Variants in TENM4 observed in about 807,000 individuals in gnomAD.
TENM4 encodes teneurin transmembrane protein 4.
A neutral mutation model predicts 243.3 loss-of-function variants in TENM4; 82 were observed. The observed-to-expected ratio is 0.34, with a 90% CI of 0.28 to 0.40. The LOEUF (loss-of-function observed/expected upper bound fraction) is 0.40. TENM4 is among the 10% of genes least tolerant of loss of function. The pLI is 1.00. For synonymous variants in TENM4, 1,412 were observed against 1,456.3 expected, an observed-to-expected ratio of 0.97 and a Z score of 0.69; for missense variants, 3,138 against 3,673.3, an observed-to-expected ratio of 0.85 and a Z score of 3.77.
intron 31 of TENM4, 38 bp downstream of exon 31, chr11:78,671,995 T>C (rs766543912): frequency 6.3e-7 from 1 of 1,582,508 alleles, no homozygotes; most frequent in Admixed American, 1.7e-5. Flanking sequence ...TGGCCTTCTG[T>C]ATGGCAAGGC....
At chr11:79,310,818 T>C (rs982665910) in intron 1 of TENM4, among the ~76,000 whole-genome samples, 1 of 152,184 alleles carries the variant, frequency 6.6e-6, no homozygotes, top group Admixed American at 6.5e-5. Context: ...TTATGGGGGA[T>C]GGCTGATGCT....
intron 3 of TENM4, among the ~76,000 whole-genome samples, chr11:79,153,922 A>G (rs951653576): frequency 2.0e-5 from 3 of 152,190 alleles, no homozygotes; most frequent in African/African-American, 7.2e-5. Flanking sequence ...GAAGGACTTC[A>G]GTTTTCTGAT....
chr11:78,702,407 A>T lies in TENM4; in HGVS notation c.4210-4T>A. 1.0e-5 allele frequency: 16 copies of T among 1,606,180 alleles called. No individual in the cohort carries two copies. The highest frequency in any genetic ancestry group is 1.4e-5 in the Non-Finnish European group (16 of 1,175,682). On this transcript the variant is annotated splice_polypyrimidine_tract_variant and splice_region_variant and intron_variant, in intron 27 of 33. Transcript: ENST00000278550. ...CTGTGGGCCACTCCAGGTGAACCTG[A>T]CAATGAAGACACCGATACTCAAATG...
chr11:79,021,050 C>T (rs1858914060), intron 6 of TENM4, among the ~76,000 whole-genome samples: 1 of 152,202 alleles, frequency 6.6e-6, no homozygotes, highest in Non-Finnish European at 1.5e-5. Flanking sequence ...GCTGGGCCAG[C>T]TCAGAGCCTA....
At chr11:78,943,805 C>T (rs1349495839) in intron 6 of TENM4, among the ~76,000 whole-genome samples, 1 of 152,134 alleles carries the variant, frequency 6.6e-6, no homozygotes, top group Non-Finnish European at 1.5e-5. Flanking sequence ...TAGTTTTCTC[C>T]ATCTCCTATT....
intron 9 of TENM4, among the ~76,000 whole-genome samples, chr11:78,871,948 G>A (rs1859141949): frequency 6.6e-6 from 1 of 152,148 alleles, no homozygotes; most frequent in South Asian, 2.1e-4. Context: ...ATATAATACT[G>A]GAGGATTCAC....
intron 1 of TENM4, among the ~76,000 whole-genome samples, chr11:79,437,969 G>A (rs7116789): frequency 0.33 from 50,730 of 152,022 alleles, 8,436 homozygotes; most frequent in South Asian, 0.4. Flanking sequence ...CATTGTTAAG[G>A]ATCATGGCAG....
chr11:78,936,574 A>G (rs1047952076), intron 6 of TENM4, among the ~76,000 whole-genome samples: 26 of 152,220 alleles, frequency 1.7e-4, no homozygotes, highest in Admixed American at 4.6e-4. Flanking sequence ...GTACCTAAAT[A>G]TACTATGTGC....
chr11:78,834,912 T>C (rs1858066551), intron 12 of TENM4, among the ~76,000 whole-genome samples: 1 of 152,140 alleles, frequency 6.6e-6, no homozygotes, highest in Non-Finnish European at 1.5e-5. Context: ...ACCTGGAGGT[T>C]TTCTGTGACT....
At position 78,980,793 on chromosome 11, in the gene TENM4, G is replaced by C. The variant is rs149110362; in HGVS notation, c.494-77270C>G. On this transcript the variant is annotated intron_variant, in intron 6 of 33. Coordinates refer to ENST00000278550, the MANE Select transcript of TENM4 (RefSeq NM_001098816.3). Reference sequence around the variant, plus strand: ...TACAGGGGCTTAAAGAGTTCTATGAGAGCTCTACTGAAGTGTTTGCTGTCA... The same window carrying C: ...TACAGGGGCTTAAAGAGTTCTATGACAGCTCTACTGAAGTGTTTGCTGTCA... Among the ~76,000 whole-genome samples the C allele has an allele frequency of 2.9e-3, 435 of 152,286 alleles. 4 individuals are homozygous for C. Among genetic ancestry groups the C allele is most frequent in the Non-Finnish European group, 5.1e-3 (348 of 68,024 alleles).
In TENM4 at chr11:78,770,992, C is replaced by A; in HGVS notation, c.2539G>T (p.Asp847Tyr). 1 of 1,581,874 alleles carries A rather than the reference C, an allele frequency of 6.3e-7. No homozygotes were observed. The highest frequency in any genetic ancestry group is 8.6e-7 in the Non-Finnish European group (1 of 1,163,806). The change falls in exon 18 of 34, where the codon GAT becomes TAT. Residue 847 changes from aspartate (D) to tyrosine (Y), a missense_variant and splice_region_variant. Asp to Tyr is a radical substitution (Grantham distance 160, BLOSUM62 -3). This residue lies in a region of TENM4 where 2,467 missense variants were observed against 3,059.1 expected (regional missense o/e 0.81). Transcript: ENST00000278550. ...GAGCCCATGGGTGCCAGAGCCCTAC[C>A]TCCATCATTGTCTTTGCTGTCACCG... ...ACGDSKDNDG[D>Y]GLVDCMDPDC... is the part of the protein sequence containing the mutation.
chr11:78,749,423 T>A (rs1856130602), intron 19 of TENM4: 1 of 150,324 alleles, frequency 6.7e-6, no homozygotes, highest in Non-Finnish European at 1.5e-5. Flanking sequence ...AATGCAGGAG[T>A]ATAATTCAAT....
intron 2 of TENM4, among the ~76,000 whole-genome samples, chr11:79,254,731 C>T (rs1855671619): frequency 6.6e-6 from 1 of 152,124 alleles, no homozygotes; most frequent in African/African-American, 2.4e-5. Context: ...CAATGCCACG[C>T]TGGTGAGGTG....
At chr11:78,768,634 G>A (rs1425559315) in intron 18 of TENM4, among the ~76,000 whole-genome samples, 1 of 152,220 alleles carries the variant, frequency 6.6e-6, no homozygotes, top group East Asian at 1.9e-4. Flanking sequence ...TAAACTACGT[G>A]CAAGCTCATT....
chr11:79,068,789 G>T (rs2136999458), intron 5 of TENM4, among the ~76,000 whole-genome samples: 1 of 152,314 alleles, frequency 6.6e-6, no homozygotes, highest in South Asian at 2.1e-4. Flanking sequence ...ATCATGGCAG[G>T]TCTGGAAACT....
rs1857953724 is a variant in TENM4 at position 78,987,864 on chromosome 11, G to C, written c.493+76874C>G. Among the ~76,000 whole-genome samples, 9 of 152,208 alleles carry C rather than the reference G, an allele frequency of 5.9e-5. No homozygotes were observed. The South Asian group carries it at 1.9e-3, about 32-fold the overall frequency. ...GATAGATGAAGAAACTGACGGTAAGGCAGGTTACGTTTTTTCCCCCAGGCC... is the reference window on the plus strand; with the variant it reads ...GATAGATGAAGAAACTGACGGTAAGCCAGGTTACGTTTTTTCCCCCAGGCC... On this transcript the variant is annotated intron_variant, in intron 6 of 33. Transcript: ENST00000278550.
At chr11:79,081,599 TGA>T in intron 4 of TENM4, among the ~76,000 whole-genome samples, 1 of 151,254 alleles carries the variant, frequency 6.6e-6, no homozygotes, top group Non-Finnish European at 1.5e-5. Context: ...CCCACTGCTG[TGA>T]TTGTTCAGAA....
chr11:78,944,674 G>A (rs570429316), intron 6 of TENM4, among the ~76,000 whole-genome samples: 3 of 152,344 alleles, frequency 2.0e-5, no homozygotes, highest in African/African-American at 2.4e-5. Context: ...TATCAGGAGC[G>A]TTCCTGCTCT....
intron 5 of TENM4, among the ~76,000 whole-genome samples, chr11:79,069,410 G>T (rs972843686): frequency 6.6e-6 from 1 of 152,338 alleles, no homozygotes; most frequent in East Asian, 1.9e-4. Context: ...AACAGTTGAG[G>T]ACTGAGGCTT....
Sources: allele counts gnomAD v4.1 joint callset (sites outside exome capture counted in the v4.1 genomes callset), GRCh38; gene constraint gnomAD v4.1.1; regional missense constraint gnomAD v4.1.1; transcripts MANE v1.5; gene names NCBI Gene and HGNC (gene_info 2026-07-23, HGNC 2026-07-21).